Variants in COL4A6 observed in about 807,000 individuals in gnomAD.
COL4A6 encodes collagen alpha-6(IV) chain.
A neutral mutation model predicts 126.7 loss-of-function variants in COL4A6; 59 were observed. The observed-to-expected ratio is 0.47, with a 90% CI of 0.38 to 0.58. The LOEUF (loss-of-function observed/expected upper bound fraction) is 0.58. COL4A6 is among the 20% of genes least tolerant of loss of function. COL4A6 has a pLI of 0.00. For missense variants in COL4A6, 1,285 were observed against 1,337.3 expected, an observed-to-expected ratio of 0.96 and a Z score of 0.61; for synonymous variants, 547 against 496.6, an observed-to-expected ratio of 1.10 and a Z score of -1.35.
intron 2 of COL4A6, among the ~76,000 whole-genome samples, chrX:108,436,316 T>A (rs2064266408): frequency 8.9e-6 from 1 of 112,456 alleles, no homozygotes; most frequent in South Asian, 3.6e-4. Flanking sequence ...ACCAAAGCAG[T>A]GCTTAATTTT....
At chrX:108,276,866 A>AT (rs978716191) in intron 3 of COL4A6, among the ~76,000 whole-genome samples, 2 of 112,321 alleles carry the variant, frequency 1.8e-5, no homozygotes, top group African/African-American at 6.5e-5. Context: ...TACCTCAAAC[A>AT]TTCCCTTACT....
At chrX:108,273,239 A>G (rs956474060) in intron 3 of COL4A6, among the ~76,000 whole-genome samples, 11 of 110,523 alleles carry the variant, frequency 1.0e-4, no homozygotes, top group Non-Finnish European at 3.8e-5. Flanking sequence ...AATGCTCATC[A>G]TCACTGGCCA....
intron 2 of COL4A6, among the ~76,000 whole-genome samples, chrX:108,330,320 G>A (rs2039265978): frequency 9.0e-6 from 1 of 111,236 alleles, no homozygotes; most frequent in Non-Finnish European, 1.9e-5. Context: ...CAGATACTAG[G>A]CATAAGACAC....
chrX:108,425,315 G>A (rs1347653217), intron 2 of COL4A6, among the ~76,000 whole-genome samples: 1 of 110,209 alleles, frequency 9.1e-6, no homozygotes, highest in African/African-American at 3.3e-5. Flanking sequence ...TGCTATTTCT[G>A]TTTAACTGCA....
rs758436969 is a variant in COL4A6 at position 108,201,899 on chromosome X, T to C, written c.834+1029A>G. 1.4e-4 allele frequency among the ~76,000 whole-genome samples: 16 copies of C among 111,494 alleles called. No individual in the cohort carries two copies. The South Asian group carries it at 6.2e-3, about 43-fold the overall frequency. On this transcript the variant is annotated intron_variant, in intron 13 of 44. Coordinates refer to ENST00000334504, the MANE Select transcript of COL4A6 (RefSeq NM_033641.4). ...GTCAGAGCCTTTGAACGGCTTCCCA[T>C]TACATTAAAAATAAAACACCACATT...
intron 3 of COL4A6, among the ~76,000 whole-genome samples, chrX:108,242,994 T>G (rs1237452751): frequency 1.8e-5 from 2 of 111,533 alleles, no homozygotes; most frequent in African/African-American, 3.3e-5. Flanking sequence ...TGCTAGATAC[T>G]CTCAATCAGT....
At chrX:108,160,897 C>T (rs1033657239) in intron 42 of COL4A6, among the ~76,000 whole-genome samples, 7 of 112,059 alleles carry the variant, frequency 6.2e-5, no homozygotes, top group Admixed American at 9.4e-5. Context: ...CAGCTACAGA[C>T]GCCCCATTTT....
At chrX:108,190,602 A>C (rs1602760524) in intron 19 of COL4A6, 106 bp from the exon 20 acceptor site, 1 of 469,225 alleles carries the variant, frequency 2.1e-6, no homozygotes, top group Non-Finnish European at 3.6e-6. Context: ...TTGAGGCTGA[A>C]CAACAGAGCA....
intron 2 of COL4A6, among the ~76,000 whole-genome samples, chrX:108,433,105 T>C (rs1468166416): frequency 9.0e-6 from 1 of 111,664 alleles, no homozygotes; most frequent in African/African-American, 3.3e-5. Context: ...TTGGGGGTAA[T>C]GCAATTGAAG....
intron 2 of COL4A6, among the ~76,000 whole-genome samples, chrX:108,380,107 T>G (rs1391954719): frequency 8.9e-6 from 1 of 112,558 alleles, no homozygotes; most frequent in East Asian, 2.8e-4. Flanking sequence ...GTTTTTGCTT[T>G]ATACTCATTC....
chrX:108,162,797 G>T, intron 41 of COL4A6, 95 bp downstream of exon 41: 1 of 942,900 alleles, frequency 1.1e-6, no homozygotes, highest in Non-Finnish European at 1.4e-6. Flanking sequence ...AACGCTTGAT[G>T]AAGACACACC....
rs2039513238 is a variant in COL4A6 at position 108,339,653 on chromosome X, G to A, written c.64-28825C>T. Among the ~76,000 whole-genome samples the A allele has an allele frequency of 2.7e-5, 3 of 111,334 alleles. No individual in the cohort carries two copies. In the South Asian group the frequency reaches 1.1e-3, roughly 42 times the overall value. On this transcript the variant is annotated intron_variant, in intron 2 of 44. Transcript: ENST00000334504. ...AGGAAATGAACATATTTTGATCACA[G>A]GATTGAGAGTTTACTCAGCCCTCAA...
chrX:108,292,296 A>C (rs956924590), intron 3 of COL4A6, among the ~76,000 whole-genome samples: 8 of 112,326 alleles, frequency 7.1e-5, no homozygotes, highest in Non-Finnish European at 1.5e-4. Flanking sequence ...AGTAGCTTAC[A>C]ACATATTTTC....
chrX:108,259,351 T>C (rs1385305736), intron 3 of COL4A6, among the ~76,000 whole-genome samples: 2 of 111,332 alleles, frequency 1.8e-5, no homozygotes, highest in Non-Finnish European at 3.8e-5. Context: ...CACAAATAAA[T>C]AGTTTATCAT....
At chrX:108,331,484 A>G (rs1041913389) in intron 2 of COL4A6, among the ~76,000 whole-genome samples, 8 of 112,349 alleles carry the variant, frequency 7.1e-5, no homozygotes, top group Non-Finnish European at 1.3e-4. Flanking sequence ...TTAAGTAATT[A>G]TGTGTTTAAA....
At chrX:108,386,421 G>A (rs1020602553) in intron 2 of COL4A6, among the ~76,000 whole-genome samples, 6 of 112,018 alleles carry the variant, frequency 5.4e-5, no homozygotes, top group East Asian at 2.8e-4. Context: ...TCTAACTGGC[G>A]TGAGATGGTA....
Position 108,437,966 on chromosome X carries a change from G to GCACAACGTAACCAGGAGCAGC in COL4A6, c.18_38dup (p.Trp6_Leu12dup), listed in dbSNP as rs770406925. ...CCGCTGCTGCCAGTTCCTCGGTCAG[G>GCACAACGTAACCAGGAGCAGC]CACAACGTAACCAGGAGCAGCCACA... On this transcript the variant is annotated inframe_insertion, in exon 2 of 45. Transcript: ENST00000334504. The GCACAACGTAACCAGGAGCAGC allele has an allele frequency of 8.3e-7, 1 of 1,208,813 alleles. No homozygotes were observed. Among genetic ancestry groups the GCACAACGTAACCAGGAGCAGC allele is most frequent in the African/African-American group, 1.8e-5 (1 of 56,909 alleles).
At chrX:108,180,421 G>T in intron 25 of COL4A6, 94 bp downstream of exon 25, 1 of 771,995 alleles carries the variant, frequency 1.3e-6, no homozygotes, top group Non-Finnish European at 1.9e-6. Context: ...CCTGTAATTG[G>T]CAGAGGACTA....
chrX:108,201,889 C>T (rs1182011693), intron 13 of COL4A6, among the ~76,000 whole-genome samples: 2 of 111,354 alleles, frequency 1.8e-5, no homozygotes, highest in African/African-American at 3.3e-5. Flanking sequence ...AGCCTTTGAA[C>T]GGCTTCCCAT....
Sources: allele counts gnomAD v4.1 joint callset (sites outside exome capture counted in the v4.1 genomes callset), GRCh38; gene constraint gnomAD v4.1.1; transcripts MANE v1.5; gene names NCBI Gene and HGNC (gene_info 2026-07-23, HGNC 2026-07-21).